The following MMS22L variants were observed in gnomAD, a reference collection of about 807,000 sequenced individuals.
MMS22L encodes the protein protein MMS22-like.
Under a neutral mutation model 159.1 loss-of-function variants are expected in MMS22L, and 74 were observed. The observed-to-expected ratio is 0.47, with a 90% CI of 0.39 to 0.56. The LOEUF is 0.56. Among genes scored for constraint, MMS22L ranks in the 20% least tolerant of loss-of-function variants. MMS22L has a pLI of 0.00. For synonymous variants in MMS22L, 517 were observed against 506.9 expected, an observed-to-expected ratio of 1.02 and a Z score of -0.27; for missense variants, 1,351 against 1,422.1, an observed-to-expected ratio of 0.95 and a Z score of 0.80.
intron 21 of MMS22L, among the ~76,000 whole-genome samples, chr6:97,165,020 G>A (rs1320389214): frequency 1.3e-5 from 2 of 152,056 alleles, no homozygotes; most frequent in Non-Finnish European, 2.9e-5. Context: ...TATAAGGAAG[G>A]TAATAGCTAC....
chr6:97,224,733 AT>A lies in MMS22L; in HGVS notation c.2039+4160del, dbSNP rs989536435. ...TGCAGATTTCATTCATTCATCTCTA[AT>A]TTTTTTTTTTTTAATGTAGTGGTAT... On this transcript the variant is annotated intron_variant, in intron 14 of 24. Transcript: ENST00000683635. 4.2e-3 allele frequency among the ~76,000 whole-genome samples: 615 copies of A among 144,850 alleles called. 1 individual carries two copies. The highest frequency in any genetic ancestry group is 4.4e-3 in the Admixed American group (63 of 14,480).
intron 22 of MMS22L, among the ~76,000 whole-genome samples, chr6:97,155,127 A>G (rs1460783258): frequency 6.7e-6 from 1 of 148,684 alleles, no homozygotes; most frequent in Non-Finnish European, 1.5e-5. Context: ...TTAAGAATCC[A>G]TTGTGATCAT....
chr6:97,164,910 C>A (rs988075906), intron 21 of MMS22L, among the ~76,000 whole-genome samples: 4 of 152,084 alleles, frequency 2.6e-5, no homozygotes, highest in Admixed American at 2.6e-4. Context: ...TGAGCCACCA[C>A]ACCCAGCCAA....
intron 14 of MMS22L, among the ~76,000 whole-genome samples, chr6:97,217,996 G>A (rs989748279): frequency 6.6e-6 from 1 of 152,110 alleles, no homozygotes; most frequent in African/African-American, 2.4e-5. Flanking sequence ...CCAGCCTTGA[G>A]AGACTGGTTC....
intron 13 of MMS22L, chr6:97,230,789 C>T (rs947939681): frequency 1.3e-5 from 2 of 152,086 alleles, no homozygotes; most frequent in African/African-American, 4.8e-5. Context: ...AATATCCAAA[C>T]CATATCACCA....
intron 11 of MMS22L, chr6:97,246,251 C>A: frequency 2.4e-6 from 1 of 420,550 alleles, no homozygotes; most frequent in Non-Finnish European, 4.6e-6. Context: ...ACAAATTGCT[C>A]AGCAAGGCAA....
At chr6:97,159,913 C>G (rs1055631318) in intron 22 of MMS22L, among the ~76,000 whole-genome samples, 1 of 148,084 alleles carries the variant, frequency 6.8e-6, no homozygotes, top group Non-Finnish European at 1.5e-5. Context: ...ATACGGAATA[C>G]TCATCCTATA....
intron 14 of MMS22L, among the ~76,000 whole-genome samples, chr6:97,214,068 C>T (rs1808693204): frequency 6.6e-6 from 1 of 152,120 alleles, no homozygotes; most frequent in South Asian, 2.1e-4. Flanking sequence ...TTAAGAATTA[C>T]ATCTAAGGTT....
chr6:97,228,678 A>G (rs1322735496), intron 14 of MMS22L, among the ~76,000 whole-genome samples: 1 of 152,098 alleles, frequency 6.6e-6, no homozygotes, highest in Non-Finnish European at 1.5e-5. Flanking sequence ...AATCCAAAAC[A>G]CTTCTAGTCC....
chr6:97,171,735 A>G (rs892771563), intron 19 of MMS22L, among the ~76,000 whole-genome samples: 2 of 152,176 alleles, frequency 1.3e-5, no homozygotes, highest in East Asian at 3.8e-4. Context: ...GTCAAGGTAA[A>G]TAGAGTACAG....
At chr6:97,157,378 G>C (rs1031186542) in intron 22 of MMS22L, among the ~76,000 whole-genome samples, 5 of 152,120 alleles carry the variant, frequency 3.3e-5, no homozygotes, top group African/African-American at 1.2e-4. Flanking sequence ...GATGAGAGAG[G>C]GTATCCTTGT....
intron 14 of MMS22L, among the ~76,000 whole-genome samples, chr6:97,201,639 T>C (rs1376707178): frequency 1.3e-5 from 2 of 152,226 alleles, no homozygotes; most frequent in Non-Finnish European, 2.9e-5. Flanking sequence ...GAATGTAATT[T>C]ATATGGTGAC....
intron 14 of MMS22L, among the ~76,000 whole-genome samples, chr6:97,218,129 C>A (rs1004730040): frequency 2.3e-4 from 35 of 152,120 alleles, no homozygotes; most frequent in African/African-American, 8.4e-4. Context: ...TAATAGTCAT[C>A]CAGAAAATAC....
intron 14 of MMS22L, among the ~76,000 whole-genome samples, chr6:97,210,572 C>T (rs1808262877): frequency 6.6e-6 from 1 of 151,750 alleles, no homozygotes; most frequent in Non-Finnish European, 1.5e-5. Context: ...TTCCTGGTGC[C>T]CACTAGTACA....
rs762755090 is a variant in MMS22L at position 97,229,057 on chromosome 6, T to C, written c.1876A>G (p.Ile626Val). The C allele has an allele frequency of 2.7e-5, 43 of 1,614,060 alleles. No individual in the cohort carries two copies. In the South Asian group the frequency reaches 4.0e-4, roughly 15 times the overall value. ...ACTTCTTGAACACCATCAATGTATA[T>C]GGAAAGAAGGGTCCAGATAGTCTGT... ...QRQTIWTLLS[I>V]YIDGVQEVFE... Residue 626 changes from isoleucine (I) to valine (V), a missense_variant, in exon 14 of 25, where the codon ATA becomes GTA. Coordinates refer to ENST00000683635, the MANE Select transcript of MMS22L (RefSeq NM_001350599.2).
intron 14 of MMS22L, among the ~76,000 whole-genome samples, chr6:97,200,996 T>A (rs2500504): frequency 0.24 from 36,661 of 152,024 alleles, 5,423 homozygotes; most frequent in East Asian, 0.78. Flanking sequence ...CTTATGGGAA[T>A]AAGATGTTTA....
chr6:97,170,165 T>G (rs1167145078), intron 19 of MMS22L, among the ~76,000 whole-genome samples: 1 of 152,188 alleles, frequency 6.6e-6, no homozygotes, highest in African/African-American at 2.4e-5. Flanking sequence ...TGGTACTATC[T>G]GCGGTTTCAG....
At chr6:97,187,022 G>GAAAACAATTTTTAAAACAATTTTT (rs11276172) in intron 14 of MMS22L, among the ~76,000 whole-genome samples, 1 of 151,076 alleles carries the variant, frequency 6.6e-6, no homozygotes, top group Non-Finnish European at 1.5e-5. Flanking sequence ...ATCTAGACAT[G>GAAAACAATTTTTAAAACAATTTTT]AAAACAATTT....
At chr6:97,234,511 T>C (rs1265665264) in intron 11 of MMS22L, among the ~76,000 whole-genome samples, 1 of 152,200 alleles carries the variant, frequency 6.6e-6, no homozygotes, top group Admixed American at 6.5e-5. Flanking sequence ...TATGACGATA[T>C]AACCATGCAT....
Sources: allele counts gnomAD v4.1 joint callset (sites outside exome capture counted in the v4.1 genomes callset), GRCh38; gene constraint gnomAD v4.1.1; transcripts MANE v1.5; gene names NCBI Gene and HGNC (gene_info 2026-07-23, HGNC 2026-07-21).